The following ACAP2 variants were observed in gnomAD, a reference collection of about 807,000 sequenced individuals.
The protein encoded by ACAP2 is arf-GAP with coiled-coil, ANK repeat and PH domain-containing protein 2.
ACAP2 carries 39 observed loss-of-function variants against 115.8 expected under a neutral mutation model. That is an observed-to-expected ratio of 0.34 (90% CI 0.26 to 0.44). ACAP2 has a LOEUF of 0.44. Among genes scored for constraint, ACAP2 ranks in the 20% least tolerant of loss-of-function variants. ACAP2 has a pLI of 1.00. For synonymous variants in ACAP2, 289 were observed against 315.8 expected (o/e 0.92, Z 0.90); for missense variants, 662 against 927.6 (o/e 0.71, Z 3.72).
chr3:195,434,910 T>A (rs1715415825), intron 1 of ACAP2, among the ~76,000 whole-genome samples: 1 of 152,156 alleles, frequency 6.6e-6, no homozygotes, highest in Non-Finnish European at 1.5e-5. Context: ...TTTCTGTAAA[T>A]TGGTAGTGAT....
At chr3:195,429,067 A>G (rs1052885852) in intron 1 of ACAP2, among the ~76,000 whole-genome samples, 4 of 152,218 alleles carry the variant, frequency 2.6e-5, no homozygotes, top group Admixed American at 2.6e-4. Flanking sequence ...ACATTCACAA[A>G]GAAATACTAC....
Position 195,442,916 on chromosome 3 carries a change from A to G in ACAP2, c.-69T>C, listed in dbSNP as rs1394372790. The G allele has an allele frequency of 7.1e-7, 1 of 1,407,616 alleles. No individual in the cohort carries two copies. Among genetic ancestry groups the G allele is most frequent in the Admixed American group, 2.8e-5 (1 of 35,818 alleles). 87.2% of individuals were successfully genotyped at this position (1,407,616 alleles called of 1,614,324 possible). On this transcript the variant is annotated 5_prime_UTR_variant, in exon 1 of 23. Coordinates refer to ENST00000326793, the MANE Select transcript of ACAP2 (RefSeq NM_012287.6). ...CGCGGGAGCGGCCGCGCTGGGACGC[A>G]GACGGCTACGGCGGGCGCACGGCCG...
At chr3:195,376,946 C>T (rs562428744) in intron 4 of ACAP2, among the ~76,000 whole-genome samples, 2 of 151,990 alleles carry the variant, frequency 1.3e-5, no homozygotes, top group Non-Finnish European at 2.9e-5. Flanking sequence ...TATTGGGATG[C>T]TATGTAATTA....
intron 6 of ACAP2, 79 bp downstream of exon 6, chr3:195,342,392 T>C: frequency 7.3e-7 from 1 of 1,368,546 alleles, no homozygotes. Flanking sequence ...TATTTATTCT[T>C]CTTAGGGCGA....
At chr3:195,412,397 T>C (rs1713349582) in intron 1 of ACAP2, among the ~76,000 whole-genome samples, 1 of 150,334 alleles carries the variant, frequency 6.7e-6, no homozygotes, top group Admixed American at 6.6e-5. Context: ...CTGGCCAACA[T>C]GGTGAAACCC....
chr3:195,430,121 CTCTAATGATTTGTT>C (rs1186150837), intron 1 of ACAP2, among the ~76,000 whole-genome samples: 1 of 152,146 alleles, frequency 6.6e-6, no homozygotes. Flanking sequence ...GCCTAATGTT[CTCTAATGATTTGTT>C]TCTGCCAAGA....
intron 1 of ACAP2, among the ~76,000 whole-genome samples, chr3:195,396,795 A>AAG (rs1711821344): frequency 6.7e-6 from 1 of 148,972 alleles, no homozygotes; most frequent in South Asian, 2.1e-4. Flanking sequence ...TCAAAAAAGA[A>AAG]AAAAAAAAAA....
intron 1 of ACAP2, among the ~76,000 whole-genome samples, chr3:195,433,098 C>T (rs1715262965): frequency 6.6e-6 from 1 of 152,118 alleles, no homozygotes; most frequent in African/African-American, 2.4e-5. Context: ...CCCCTGCCCA[C>T]CCCCTGCACT....
chr3:195,390,734 G>A (rs1286579954), intron 2 of ACAP2, among the ~76,000 whole-genome samples: 1 of 152,084 alleles, frequency 6.6e-6, no homozygotes, highest in Non-Finnish European at 1.5e-5. Flanking sequence ...TAAGGTCTCA[G>A]GAGCACTACG....
chr3:195,420,203 G>T, intron 1 of ACAP2, among the ~76,000 whole-genome samples: 1 of 151,706 alleles, frequency 6.6e-6, no homozygotes, highest in African/African-American at 2.4e-5. Context: ...TATAGTTTTT[G>T]TTATTAATAT....
rs1166755034 is a variant in ACAP2, at chr3:195,381,911, C to G, written c.223G>C (p.Val75Leu). 1 of 1,596,660 alleles carries G rather than the reference C, an allele frequency of 6.3e-7. No homozygotes were observed. Among genetic ancestry groups the G allele is most frequent in the Admixed American group, 1.8e-5 (1 of 54,590 alleles). ...DLAQYSSNDA[V>L]VETSLTKFSD... The stretch of plus-strand genomic sequence containing the variant: ...ATTTTAGTAATACTAACCTCAACGA[C>G]AGCATCATTACTAGAATACTGAGCC... Residue 75 changes from valine to leucine, a missense_variant, in exon 3 of 23, where the codon GTC becomes CTC. Val to Leu is a conservative substitution (Grantham distance 32). Around this residue, in one of 3 missense-constraint regions of ACAP2, gnomAD observed 401 missense variants for 604.4 expected, o/e 0.66. Coordinates refer to ENST00000326793, the MANE Select transcript of ACAP2 (RefSeq NM_012287.6).
intron 1 of ACAP2, among the ~76,000 whole-genome samples, chr3:195,403,277 G>A (rs893625808): frequency 2.0e-4 from 30 of 152,190 alleles, no homozygotes; most frequent in Non-Finnish European, 8.8e-5. Context: ...GAAGAAGTCA[G>A]AATACTAATG....
intron 10 of ACAP2, among the ~76,000 whole-genome samples, chr3:195,318,916 A>G (rs1284317580): frequency 1.3e-5 from 2 of 152,202 alleles, no homozygotes; most frequent in African/African-American, 4.8e-5. Flanking sequence ...GAAATCTTTG[A>G]GGCAGCCCCT....
intron 1 of ACAP2, among the ~76,000 whole-genome samples, chr3:195,428,064 C>T (rs556871471): frequency 4.0e-5 from 6 of 151,376 alleles, no homozygotes; most frequent in Non-Finnish European, 7.4e-5. Flanking sequence ...ACCAAATTAT[C>T]AATAATCCAG....
At chr3:195,322,015 T>A (rs1479714847) in intron 9 of ACAP2, among the ~76,000 whole-genome samples, 1 of 152,200 alleles carries the variant, frequency 6.6e-6, no homozygotes, top group Admixed American at 6.5e-5. Context: ...AGTGGGCAAG[T>A]TGAACTCACT....
chr3:195,305,302 G>A (rs1728350638), intron 13 of ACAP2, among the ~76,000 whole-genome samples: 1 of 152,136 alleles, frequency 6.6e-6, no homozygotes, highest in South Asian at 2.1e-4. Context: ...CAGAGCAACT[G>A]GAGAGGAGAA....
chr3:195,376,170 G>A (rs975643546), intron 4 of ACAP2, among the ~76,000 whole-genome samples: 5 of 152,210 alleles, frequency 3.3e-5, no homozygotes, highest in South Asian at 2.1e-4. Flanking sequence ...AAGGTGGGCC[G>A]ATCACTTGAG....
At chr3:195,409,708 T>C (rs1206969021) in intron 1 of ACAP2, among the ~76,000 whole-genome samples, 1 of 151,604 alleles carries the variant, frequency 6.6e-6, no homozygotes, top group Non-Finnish European at 1.5e-5. Flanking sequence ...AAACCCCATC[T>C]TTACAAAAAA....
intron 15 of ACAP2, among the ~76,000 whole-genome samples, chr3:195,297,632 C>A (rs1727742889): frequency 6.6e-6 from 1 of 152,214 alleles, no homozygotes; most frequent in Non-Finnish European, 1.5e-5. Context: ...AAAGCATTAT[C>A]TACACAGTAA....
Sources: allele counts gnomAD v4.1 joint callset (sites outside exome capture counted in the v4.1 genomes callset), GRCh38; gene constraint gnomAD v4.1.1; regional missense constraint gnomAD v4.1.1; transcripts MANE v1.5; gene names NCBI Gene and HGNC (gene_info 2026-07-23, HGNC 2026-07-21).